The following PAPPA2 variants were observed in gnomAD, a reference collection of about 807,000 sequenced individuals.
PAPPA2 encodes pappalysin 2.
In PAPPA2, 86 loss-of-function variants were observed where a neutral mutation model predicts 176.4. That is an observed-to-expected ratio of 0.49 (90% CI 0.41 to 0.58). PAPPA2 has a LOEUF of 0.58. Among genes scored for constraint, PAPPA2 ranks in the 20% least tolerant of loss-of-function variants. The pLI is 0.00. For missense variants in PAPPA2, 2,073 were observed against 2,256.9 expected (o/e 0.92, Z 1.65); for synonymous variants, 809 against 852.2 (o/e 0.95, Z 0.88).
intron 1 of PAPPA2, among the ~76,000 whole-genome samples, chr1:176,554,267 T>C (rs960384061): frequency 6.6e-6 from 1 of 152,212 alleles, no homozygotes; most frequent in Non-Finnish European, 1.5e-5. Flanking sequence ...CTCCAGAGTA[T>C]GTGGACTGCA....
At chr1:176,582,315 C>T (rs1249705638) in intron 2 of PAPPA2, among the ~76,000 whole-genome samples, 1 of 152,138 alleles carries the variant, frequency 6.6e-6, no homozygotes, top group Admixed American at 6.5e-5. Context: ...GTTTTCTTCT[C>T]TTGCCTAATT....
At chr1:176,567,051 A>G (rs1652026639) in intron 2 of PAPPA2, among the ~76,000 whole-genome samples, 1 of 152,154 alleles carries the variant, frequency 6.6e-6, no homozygotes, top group Non-Finnish European at 1.5e-5. Context: ...AGCTCACATC[A>G]TACACCCCCT....
At chr1:176,681,372 G>C (rs1659577674) in intron 4 of PAPPA2, among the ~76,000 whole-genome samples, 1 of 152,142 alleles carries the variant, frequency 6.6e-6, no homozygotes, top group African/African-American at 2.4e-5. Flanking sequence ...GCGACTTGAG[G>C]ACCCTGTGGG....
chr1:176,549,525 G>A (rs988867601), intron 1 of PAPPA2, among the ~76,000 whole-genome samples: 7 of 152,334 alleles, frequency 4.6e-5, no homozygotes, highest in African/African-American at 1.7e-4. Flanking sequence ...CTTGCCCAAC[G>A]TCAGGCAGCT....
chr1:176,781,274 G>C (rs1484822601), intron 17 of PAPPA2, among the ~76,000 whole-genome samples: 1 of 146,088 alleles, frequency 6.8e-6, no homozygotes, highest in Non-Finnish European at 1.5e-5. Context: ...GGACATGGAA[G>C]TAAAATGGTC....
At chr1:176,817,028 C>T (rs980076070) in intron 21 of PAPPA2, among the ~76,000 whole-genome samples, 4 of 152,060 alleles carry the variant, frequency 2.6e-5, no homozygotes, top group Non-Finnish European at 4.4e-5. Flanking sequence ...CAATAGAAAG[C>T]ACAGACCCCA....
intron 1 of PAPPA2, among the ~76,000 whole-genome samples, chr1:176,514,561 C>T (rs1289733100): frequency 6.6e-6 from 1 of 152,228 alleles, no homozygotes; most frequent in African/African-American, 2.4e-5. Flanking sequence ...TAAGTCAAAA[C>T]CTCAGTGGAG....
chr1:176,623,606 C>A (rs937382362), intron 3 of PAPPA2, among the ~76,000 whole-genome samples: 201 of 112,610 alleles, frequency 1.8e-3, no homozygotes, highest in African/African-American at 5.3e-3. Context: ...TTCCTTCCTT[C>A]CTTCCTTCCT....
intron 1 of PAPPA2, among the ~76,000 whole-genome samples, chr1:176,516,882 A>C (rs531725623): frequency 6.6e-6 from 1 of 152,262 alleles, no homozygotes; most frequent in South Asian, 2.1e-4. Context: ...AATCACATTC[A>C]TTTGTGTGGA....
chr1:176,675,230 A>G (rs574694029), intron 4 of PAPPA2, among the ~76,000 whole-genome samples: 6 of 152,190 alleles, frequency 3.9e-5, no homozygotes, highest in African/African-American at 1.4e-4. Flanking sequence ...TTGGAGAAAG[A>G]CATAATCAAA....
At chr1:176,726,826 G>A (rs1267917987) in intron 12 of PAPPA2, among the ~76,000 whole-genome samples, 1 of 152,190 alleles carries the variant, frequency 6.6e-6, no homozygotes, top group Non-Finnish European at 1.5e-5. Context: ...ATCACCATCT[G>A]TGAGCGAGAA....
chr1:176,530,452 A>G (rs912652156), intron 1 of PAPPA2, among the ~76,000 whole-genome samples: 1 of 152,122 alleles, frequency 6.6e-6, no homozygotes, highest in African/African-American at 2.4e-5. Flanking sequence ...GAAAAAAACA[A>G]CTCCAGAAGT....
chr1:176,786,967 A>G (rs998211007), intron 17 of PAPPA2, among the ~76,000 whole-genome samples: 5 of 152,120 alleles, frequency 3.3e-5, no homozygotes, highest in African/African-American at 1.2e-4. Flanking sequence ...AAAACTACCT[A>G]CAGGATACTA....
At chr1:176,763,957 A>G (rs1437376530) in intron 14 of PAPPA2, among the ~76,000 whole-genome samples, 1 of 152,208 alleles carries the variant, frequency 6.6e-6, no homozygotes, top group Non-Finnish European at 1.5e-5. Flanking sequence ...TGGGAAGTGC[A>G]AGAAGCATGA....
chr1:176,718,371 A>T (rs1178475935), intron 12 of PAPPA2, among the ~76,000 whole-genome samples: 1 of 151,900 alleles, frequency 6.6e-6, no homozygotes, highest in Non-Finnish European at 1.5e-5. Flanking sequence ...CCTTTTATTA[A>T]TCTTTTTATA....
At chr1:176,667,978 G>A (rs1658764464) in intron 3 of PAPPA2, among the ~76,000 whole-genome samples, 1 of 152,126 alleles carries the variant, frequency 6.6e-6, no homozygotes, top group Admixed American at 6.5e-5. Flanking sequence ...CAGCTGTCGG[G>A]GCATGGCAGA....
chr1:176,616,772 G>A, intron 3 of PAPPA2: 1 of 1,087,366 alleles, frequency 9.2e-7, no homozygotes. Context: ...CAGGAGCTGG[G>A]TGGTTCATTC....
chr1:176,654,802 G>A (rs906114873), intron 3 of PAPPA2, among the ~76,000 whole-genome samples: 27 of 151,808 alleles, frequency 1.8e-4, no homozygotes, highest in Non-Finnish European at 3.1e-4. Flanking sequence ...ATGTGGCTAA[G>A]TGTATTTCTA....
intron 12 of PAPPA2, 117 bp from the exon 13 acceptor site, chr1:176,739,509 A>G: frequency 8.8e-7 from 1 of 1,135,936 alleles, no homozygotes; most frequent in African/African-American, 1.6e-5. Flanking sequence ...TTATAAAAAA[A>G]ATGGAAGCTC....
Sources: gnomAD v4.1 joint callset for allele counts (sites outside exome capture counted in the v4.1 genomes callset) on GRCh38, gnomAD v4.1.1 for gene constraint, MANE v1.5 for transcripts, NCBI Gene and HGNC (gene_info 2026-07-23, HGNC 2026-07-21) for gene names.